Variants in THSD4 observed in about 807,000 individuals in gnomAD.
THSD4 encodes the protein thrombospondin type-1 domain-containing protein 4.
In THSD4, 69 loss-of-function variants were observed where a neutral mutation model predicts 119.0. The ratio of observed to expected loss-of-function variants is 0.58; its 90% CI spans 0.48 to 0.71. THSD4 has a LOEUF of 0.71. Among genes scored for constraint, THSD4 ranks in the 30% least tolerant of loss-of-function variants. The probability of loss-of-function intolerance (pLI) is 0.00; values close to 1 mark genes in which losing one functional copy is unlikely to be tolerated. For synonymous variants in THSD4, 524 were observed against 540.4 expected (o/e 0.97, Z 0.42); for missense variants, 1,393 against 1,391.1 (o/e 1.00, Z -0.02).
chr15:71,111,045 G>T (rs1376329879), upstream of THSD4: 1 of 1,291,506 alleles, frequency 7.7e-7, no homozygotes, highest in Non-Finnish European at 1.1e-6. Context: ...GGATCCGGGT[G>T]ATGCCTCTTG....
chr15:71,679,740 C>T (rs7172239), intron 8 of THSD4, among the ~76,000 whole-genome samples: 23,707 of 152,050 alleles, frequency 0.16, 2,078 homozygotes, highest in East Asian at 0.37. Flanking sequence ...TGAAGATGCT[C>T]GGCTGGAGAA....
At chr15:71,724,845 G>T (rs2141120523) in intron 8 of THSD4, among the ~76,000 whole-genome samples, 1 of 148,130 alleles carries the variant, frequency 6.8e-6, no homozygotes, top group South Asian at 2.3e-4. Flanking sequence ...AGGTATCCAG[G>T]ATGATTCCTG....
chr15:71,239,782 C>A (rs541479163), intron 4 of THSD4, among the ~76,000 whole-genome samples: 25 of 152,298 alleles, frequency 1.6e-4, no homozygotes, highest in African/African-American at 6.0e-4. Context: ...CCGTGGAGGC[C>A]CCCCTGCAAG....
rs547189663 is a variant in THSD4, at chr15:71,476,425, A to T, written c.1152+64602A>T. ...CTTGGCTAATTTTTGTATTTTTAGT[A>T]GAGACAGGGTTTCACCATGTTGGCC... is the stretch of plus-strand genomic sequence containing the variant. On this transcript the variant is annotated intron_variant, in intron 7 of 17. Coordinates refer to ENST00000261862, the MANE Select transcript of THSD4 (RefSeq NM_024817.3). Among the ~76,000 whole-genome samples, 296 of 152,214 alleles carry T rather than the reference A, an allele frequency of 1.9e-3. 17 individuals are homozygous for T. The South Asian group carries it at 0.06, about 31-fold the overall frequency.
At chr15:71,212,367 T>A (rs1365747655) in intron 3 of THSD4, among the ~76,000 whole-genome samples, 1 of 152,162 alleles carries the variant, frequency 6.6e-6, no homozygotes, top group Non-Finnish European at 1.5e-5. Context: ...TGGCTTCATG[T>A]TTTCTTCCCC....
At chr15:71,411,920 C>T (rs763591289) in intron 7 of THSD4, 97 bp downstream of exon 7, 44 of 1,521,938 alleles carry the variant, frequency 2.9e-5, no homozygotes, top group Middle Eastern at 1.7e-4. Flanking sequence ...CTAGCTCCCC[C>T]CAGCCCACGT....
chr15:71,341,899 T>C (rs1381793174), intron 6 of THSD4, among the ~76,000 whole-genome samples: 1 of 152,202 alleles, frequency 6.6e-6, no homozygotes, highest in Non-Finnish European at 1.5e-5. Context: ...CGATTTTTTT[T>C]TCTAAAAGTA....
intron 14 of THSD4, among the ~76,000 whole-genome samples, chr15:71,757,481 A>C (rs2053559632): frequency 6.6e-6 from 1 of 152,162 alleles, no homozygotes; most frequent in Non-Finnish European, 1.5e-5. Context: ...CCCAGGCTGG[A>C]GTGCAGTCGT....
At chr15:71,220,203 C>G (rs565128509) in intron 4 of THSD4, among the ~76,000 whole-genome samples, 12 of 152,244 alleles carry the variant, frequency 7.9e-5, no homozygotes, top group African/African-American at 2.6e-4. Flanking sequence ...GAGATACGAC[C>G]AGGGTTCAGG....
intron 7 of THSD4, among the ~76,000 whole-genome samples, chr15:71,591,039 T>C (rs1369731682): frequency 9.7e-6 from 1 of 102,576 alleles, no homozygotes; most frequent in Non-Finnish European, 2.2e-5. Context: ...AAAAAAAAAG[T>C]TGAAGAAAAA....
intron 7 of THSD4, among the ~76,000 whole-genome samples, chr15:71,659,224 T>C (rs1014924187): frequency 1.8e-4 from 28 of 152,350 alleles, no homozygotes; most frequent in African/African-American, 6.7e-4. Context: ...AATCCTGTAC[T>C]CACAATATTT....
chr15:71,771,316 C>A, intron 17 of THSD4, 108 bp downstream of exon 17: 1 of 1,395,314 alleles, frequency 7.2e-7, no homozygotes, highest in Admixed American at 2.0e-5. Flanking sequence ...TGACCTTGCA[C>A]ACAGTCATGG....
chr15:71,123,377 T>A (rs534212904), intron 1 of THSD4, among the ~76,000 whole-genome samples: 1 of 152,336 alleles, frequency 6.6e-6, no homozygotes, highest in African/African-American at 2.4e-5. Flanking sequence ...TTAATCTCTT[T>A]AAGCTTCAGT....
intron 7 of THSD4, among the ~76,000 whole-genome samples, chr15:71,488,949 C>G (rs2047868334): frequency 2.0e-5 from 3 of 152,050 alleles, no homozygotes; most frequent in African/African-American, 7.2e-5. Flanking sequence ...TTTCTTTTCT[C>G]TTTTCTACCT....
chr15:71,375,231 C>T (rs1192654990), intron 6 of THSD4, among the ~76,000 whole-genome samples: 2 of 152,212 alleles, frequency 1.3e-5, no homozygotes, highest in African/African-American at 2.4e-5. Flanking sequence ...AGAGATGAGG[C>T]AGAGTATGTG....
chr15:71,524,328 C>T (rs947802262), intron 7 of THSD4, among the ~76,000 whole-genome samples: 25 of 152,176 alleles, frequency 1.6e-4, no homozygotes, highest in African/African-American at 5.5e-4. Context: ...GTCCGTGCAA[C>T]TGTCCTGTGG....
intron 11 of THSD4, among the ~76,000 whole-genome samples, chr15:71,743,299 T>C (rs1370844378): frequency 6.6e-6 from 1 of 152,200 alleles, no homozygotes. Context: ...TCTCCCTTAT[T>C]TGAGTGCCAA....
At chr15:71,501,276 G>A (rs2048109214) in intron 7 of THSD4, among the ~76,000 whole-genome samples, 2 of 152,208 alleles carry the variant, frequency 1.3e-5, no homozygotes, top group Admixed American at 6.5e-5. Flanking sequence ...GTGTATCACA[G>A]ATCCATATAT....
At chr15:71,346,414 A>G (rs2045661066) in intron 6 of THSD4, among the ~76,000 whole-genome samples, 1 of 152,182 alleles carries the variant, frequency 6.6e-6, no homozygotes, top group Admixed American at 6.5e-5. Context: ...CTTCTACTCA[A>G]TGGGTTTTGA....
Sources: allele counts gnomAD v4.1 joint callset (sites outside exome capture counted in the v4.1 genomes callset), GRCh38; gene constraint gnomAD v4.1.1; transcripts MANE v1.5; gene names NCBI Gene and HGNC (gene_info 2026-07-23, HGNC 2026-07-21).